The following ZNF48 variants were observed in gnomAD, a reference collection of about 807,000 sequenced individuals.
ZNF48 encodes the protein zinc finger protein 48.
A neutral mutation model predicts 40.0 loss-of-function variants in ZNF48; 20 were observed. The observed-to-expected ratio is 0.50, with a 90% CI of 0.35 to 0.73. The LOEUF (loss-of-function observed/expected upper bound fraction) is 0.73, where lower values mean the gene tolerates loss of function less well. ZNF48 is among the 30% of genes least tolerant of loss of function. The probability of loss-of-function intolerance (pLI) is 0.01; values close to 1 mark genes in which losing one functional copy is unlikely to be tolerated. For missense variants in ZNF48, 726 were observed against 851.9 expected (o/e 0.85, Z 1.84); for synonymous variants, 298 against 329.7 (o/e 0.90, Z 1.04).
chr16:30,387,472 T>G (rs1470018435), intron 1 of ZNF48, among the ~76,000 whole-genome samples: 1 of 146,914 alleles, frequency 6.8e-6, no homozygotes, highest in Admixed American at 6.7e-5. Context: ...GGAGAATCAC[T>G]TGAACCCGGG....
chr16:30,379,105 A>C (rs766695673), intron 1 of ZNF48: 2 of 1,613,820 alleles, frequency 1.2e-6, no homozygotes, highest in Admixed American at 3.3e-5. Flanking sequence ...ATCGTGCGTC[A>C]CCTCTTTCAG....
upstream of ZNF48, among the ~76,000 whole-genome samples, chr16:30,391,019 G>A (rs573428743): frequency 6.6e-4 from 100 of 152,070 alleles, no homozygotes; most frequent in Non-Finnish European, 9.1e-4. Context: ...GATTAGAGGC[G>A]TGAGCCACTG....
rs944022134 is a variant in ZNF48, at chr16:30,379,073, C to T, written c.-16+663C>T. ...CGGGCCAGGCTCTGTAGGCAGCGGG[C>T]CCGGTAGCCCTCGTAGAGCAGATCG... On this transcript the variant is annotated intron_variant, in intron 1 of 2. Transcript: ENST00000528032. 1.9e-6 allele frequency: 3 copies of T among 1,613,890 alleles called. No homozygotes were observed. The African/African-American group carries it at 4.0e-5, about 22-fold the overall frequency.
rs2050035273 is a variant in ZNF48 at position 30,399,916 on chromosome 16, G to C, written c.*809G>C. The C allele has an allele frequency of 6.6e-6, 1 of 152,390 alleles. No individual in the cohort carries two copies. The highest frequency in any genetic ancestry group is 1.5e-5 in the Non-Finnish European group (1 of 68,184). The allele number at this position is 152,390 out of a possible 1,614,324, so 9.4% of individuals were successfully genotyped here. A position where few individuals can be genotyped will look rare whatever the true frequency, so the allele number is the denominator to read the frequency against. The stretch of plus-strand genomic sequence containing the variant: ...GTTTGGGAAAAGGGCAGGATGCTCT[G>C]AGGCCTGGCAGCCACATTTCCATGT... On this transcript the variant is annotated 3_prime_UTR_variant, in exon 3 of 3. Coordinates refer to ENST00000613509, the MANE Select transcript of ZNF48 (RefSeq NM_001214909.2).
Position 30,398,246 on chromosome 16 carries a change from C to T in ZNF48, c.996C>T (p.Leu332=). Residue 332 remains leucine, a synonymous_variant, in exon 3 of 3, where the codon CTC becomes CTT. Coordinates refer to ENST00000613509, the MANE Select transcript of ZNF48 (RefSeq NM_001214909.2). The surrounding 1 kb of genome is among the most constrained non-coding windows in gnomAD (Gnocchi z 6.6). The part of the protein sequence containing the change: ...LRVHTGEKPY[L]CPECGKGFAD... The stretch of plus-strand genomic sequence containing the variant: ...TGCACACGGGTGAGAAGCCCTACCT[C>T]TGCCCAGAGTGCGGCAAAGGTTTCG... The T allele has an allele frequency of 6.2e-7, 1 of 1,613,610 alleles. No homozygotes were observed. Among genetic ancestry groups the T allele is most frequent in the South Asian group, 1.1e-5 (1 of 91,088 alleles).
chr16:30,389,454 T>C (rs1341101574), intron 1 of ZNF48, among the ~76,000 whole-genome samples: 3 of 150,440 alleles, frequency 2.0e-5, no homozygotes, highest in Non-Finnish European at 4.4e-5. Flanking sequence ...GCGCCTGTAA[T>C]CCCAGCTACT....
At position 30,381,918 on chromosome 16, in the gene ZNF48, G is replaced by A. The variant is rs765064138; in HGVS notation, c.-16+3508G>A. The stretch of plus-strand genomic sequence containing the variant: ...GGGGGAGAGGTCAGGGATCCGGGGA[G>A]GCTCTGAGGCAGAATTAATTTCCTT... On this transcript the variant is annotated intron_variant, in intron 1 of 2. Transcript: ENST00000528032. The surrounding 1 kb of genome is among the most constrained non-coding windows in gnomAD (Gnocchi z 4.3). The A allele has an allele frequency of 1.2e-6, 2 of 1,612,556 alleles. No homozygotes were observed. Among genetic ancestry groups the A allele is most frequent in the Non-Finnish European group, 8.5e-7 (1 of 1,179,340 alleles).
chr16:30,395,305 C>G (rs1297540123), upstream of ZNF48: 1 of 453,822 alleles, frequency 2.2e-6, no homozygotes, highest in South Asian at 1.6e-5. The surrounding 1 kb of genome is among the most constrained non-coding windows in gnomAD (Gnocchi z 5.9). Context: ...CCCTGGGCCG[C>G]ACGCTGCCGC....
chr16:30,386,734 G>A (rs911514103), intron 1 of ZNF48, among the ~76,000 whole-genome samples: 2 of 151,324 alleles, frequency 1.3e-5, no homozygotes, highest in South Asian at 2.1e-4. Flanking sequence ...GTGTGATCTC[G>A]GCTCACTGCA....
intron 1 of ZNF48, among the ~76,000 whole-genome samples, chr16:30,384,861 G>A (rs919884413): frequency 6.6e-5 from 10 of 151,132 alleles, no homozygotes; most frequent in African/African-American, 2.4e-4. Context: ...CTGGGCGACA[G>A]GGCAAGACTC....
At chr16:30,379,399 C>T (rs746963085) in intron 1 of ZNF48, 1 of 1,580,536 alleles carries the variant, frequency 6.3e-7, no homozygotes, top group Non-Finnish European at 8.7e-7. Flanking sequence ...CCCGGGCTCC[C>T]TGCTGGCCTT....
Position 30,385,404 on chromosome 16 carries a change from A to G in ZNF48, c.-16+6994A>G, listed in dbSNP as rs569378991. Among the ~76,000 whole-genome samples, 3 of 151,906 alleles carry G rather than the reference A, an allele frequency of 2.0e-5. No homozygotes were observed. The East Asian group carries it at 5.8e-4, about 29-fold the overall frequency. On this transcript the variant is annotated intron_variant, in intron 1 of 2. Coordinates refer to the ZNF48 transcript ENST00000528032. ...GACTTGGGGAGGCCAAGGCAGGCAGATCAGAAGGTCAGGAGATCGAGACCA... is the reference window on the plus strand; with the variant it reads ...GACTTGGGGAGGCCAAGGCAGGCAGGTCAGAAGGTCAGGAGATCGAGACCA...
rs575470079 is a variant in ZNF48 at position 30,388,436 on chromosome 16, C to T, written c.-15-7344C>T. Among the ~76,000 whole-genome samples, 236 of 152,276 alleles carry T rather than the reference C, an allele frequency of 1.5e-3. 1 individual carries two copies. Among genetic ancestry groups the T allele is most frequent in the Non-Finnish European group, 2.9e-3 (194 of 68,018 alleles). On this transcript the variant is annotated intron_variant, in intron 1 of 2. Coordinates refer to the ZNF48 transcript ENST00000528032. Reference sequence around the variant, plus strand: ...ATCTTGCTATGTTGCCCTGGCTGGTCTTGAACTCCTGAACTCACACAATCC... The same window carrying T: ...ATCTTGCTATGTTGCCCTGGCTGGTTTTGAACTCCTGAACTCACACAATCC...
chr16:30,395,702 C>CGGCAGAG lies in ZNF48; in HGVS notation c.-15-72_-15-66dup. 8.4e-7 allele frequency: 1 copy of CGGCAGAG among 1,189,042 alleles called. No homozygotes were observed. The allele number at this position is 1,189,042 out of a possible 1,614,324, so 73.7% of individuals were successfully genotyped here. ...GACGCCGCCCGGTGCCCGCGCTGGC[C>CGGCAGAG]GGCAGAGGGCAGCGGCAGGGCGCCG... On this transcript the variant is annotated intron_variant, in intron 1 of 2. Coordinates refer to ENST00000613509, the MANE Select transcript of ZNF48 (RefSeq NM_001214909.2). The surrounding 1 kb of genome is among the most constrained non-coding windows in gnomAD (Gnocchi z 5.9).
chr16:30,392,820 T>C (rs763154134), upstream of ZNF48, among the ~76,000 whole-genome samples: 10 of 152,172 alleles, frequency 6.6e-5, no homozygotes, highest in Non-Finnish European at 1.2e-4. Flanking sequence ...ATTTTGTCCA[T>C]ACAGTCAATA....
chr16:30,399,526 A>C lies in ZNF48; in HGVS notation c.*419A>C, dbSNP rs933190848. ...GGTGGGAGAATCACTTGAGCCCAAA[A>C]GTTTGAGGCTGCAGTGAGCTGATTG... On this transcript the variant is annotated 3_prime_UTR_variant, in exon 3 of 3. Coordinates refer to ENST00000613509, the MANE Select transcript of ZNF48 (RefSeq NM_001214909.2). 6.3e-6 allele frequency: 1 copy of C among 158,384 alleles called. No homozygotes were observed. Among genetic ancestry groups the C allele is most frequent in the African/African-American group, 2.4e-5 (1 of 41,600 alleles). The allele number at this position is 158,384 out of a possible 1,614,324, so 9.8% of individuals were successfully genotyped here.
In ZNF48 at chr16:30,398,283, G is replaced by A. The variant is rs1432021765; in HGVS notation, c.1033G>A (p.Ala345Thr). 34 of 1,613,362 alleles carry A rather than the reference G, an allele frequency of 2.1e-5. No homozygotes were observed. Among genetic ancestry groups the A allele is most frequent in the Non-Finnish European group, 2.3e-5 (27 of 1,180,012 alleles). The stretch of plus-strand genomic sequence containing the variant: ...CGGCAAAGGTTTCGCGGACAGCTCC[G>A]CCCGAGTCAAACACCTCCGCACCCA... Reference protein sequence around the residue: ...ECGKGFADSSARVKHLRTHSG... With the variant: ...ECGKGFADSSTRVKHLRTHSG... Residue 345 changes from alanine (A) to threonine (T), a missense_variant, in exon 3 of 3, where the codon GCC becomes ACC. Ala to Thr is a moderately conservative substitution (Grantham distance 58). This residue lies in a region of ZNF48 where 378 missense variants were observed against 449.1 expected (regional missense o/e 0.84). Coordinates refer to ENST00000613509, the MANE Select transcript of ZNF48 (RefSeq NM_001214909.2). This position sits in a 1 kb window ranked among gnomAD's most constrained non-coding sequence, Gnocchi z 6.6.
chr16:30,382,610 G>A lies in ZNF48; in HGVS notation c.-16+4200G>A. On this transcript the variant is annotated intron_variant, in intron 1 of 2. Coordinates refer to the ZNF48 transcript ENST00000528032. This position sits in a 1 kb window ranked among gnomAD's most constrained non-coding sequence, Gnocchi z 4.8. ...GAAGCTGAGTGCGGCTAACAAGGGG[G>A]CGGGCAGAAGAGGCAGCTGAGATGC... is the stretch of plus-strand genomic sequence containing the variant. The A allele has an allele frequency of 6.4e-7, 1 of 1,552,328 alleles. No individual in the cohort carries two copies. Among genetic ancestry groups the A allele is most frequent in the Non-Finnish European group, 8.7e-7 (1 of 1,148,656 alleles).
At chr16:30,388,019 T>A (rs1362607761) in intron 1 of ZNF48, among the ~76,000 whole-genome samples, 1 of 151,328 alleles carries the variant, frequency 6.6e-6, no homozygotes, top group Non-Finnish European at 1.5e-5. Flanking sequence ...CAGGCTAGAG[T>A]GCAATGGCGC....
Sources: allele counts gnomAD v4.1 joint callset (sites outside exome capture counted in the v4.1 genomes callset), GRCh38; gene constraint gnomAD v4.1.1; regional missense constraint gnomAD v4.1.1; non-coding constraint Gnocchi (gnomAD v3.1); transcripts MANE v1.5; gene names NCBI Gene and HGNC (gene_info 2026-07-23, HGNC 2026-07-21).